The following PSMD9 variants were observed in gnomAD, a reference collection of about 807,000 sequenced individuals.
The protein encoded by PSMD9 is proteasome 26S subunit, non-ATPase 9.
PSMD9 carries 26 observed loss-of-function variants against 25.9 expected under a neutral mutation model. The ratio of observed to expected loss-of-function variants is 1.00; its 90% CI spans 0.73 to 1.39. The LOEUF is 1.39. Among genes scored for constraint, PSMD9 ranks in the 40% most tolerant of loss-of-function variants. The probability of loss-of-function intolerance (pLI) is 0.00; values close to 1 mark genes in which losing one functional copy is unlikely to be tolerated. For missense variants in PSMD9, 303 were observed against 299.3 expected (o/e 1.01, Z -0.09); for synonymous variants, 110 against 114.5 (o/e 0.96, Z 0.25).
At chr12:121,893,445 C>T (rs1009447967) in intron 1 of PSMD9, among the ~76,000 whole-genome samples, 3 of 152,226 alleles carry the variant, frequency 2.0e-5, no homozygotes, top group Non-Finnish European at 2.9e-5. Flanking sequence ...ATGACTTCTG[C>T]GCGTAGTCGT....
intron 4 of PSMD9, among the ~76,000 whole-genome samples, chr12:121,910,117 C>T (rs1047026174): frequency 8.8e-6 from 1 of 113,634 alleles, no homozygotes. Context: ...GATGGAGTCT[C>T]GCTCTATAGC....
intron 3 of PSMD9, among the ~76,000 whole-genome samples, chr12:121,900,709 G>C (rs940934984): frequency 1.3e-5 from 2 of 151,916 alleles, no homozygotes; most frequent in Non-Finnish European, 2.9e-5. Flanking sequence ...TTTGCAGCCA[G>C]GTGCAGTGGC....
chr12:121,902,863 A>C (rs1879440201), intron 3 of PSMD9, 143 bp from the exon 4 acceptor site: 1 of 650,398 alleles, frequency 1.5e-6, no homozygotes, highest in Non-Finnish European at 2.8e-6. Context: ...TGAGGTGTCT[A>C]CATCCCTGAC....
At chr12:121,907,074 T>C (rs1296017541) in intron 4 of PSMD9, among the ~76,000 whole-genome samples, 4 of 152,154 alleles carry the variant, frequency 2.6e-5, no homozygotes, top group Non-Finnish European at 5.9e-5. Flanking sequence ...CTATTTCTTT[T>C]TTTATTTTTT....
rs894165901 is a variant in PSMD9, at chr12:121,917,079, T to C, written c.*768T>C. 1.3e-5 allele frequency: 2 copies of C among 152,316 alleles called. No individual in the cohort carries two copies. Among genetic ancestry groups the C allele is most frequent in the African/African-American group, 2.4e-5 (1 of 41,476 alleles). The allele number at this position is 152,316 out of a possible 1,614,324, so 9.4% of individuals were successfully genotyped here. Reference sequence around the variant, plus strand: ...GTGCAGTGTCGTGATCAAGGTTCACTGAAGCCTTGACGCTGTGGGCACTGC... The same window carrying C: ...GTGCAGTGTCGTGATCAAGGTTCACCGAAGCCTTGACGCTGTGGGCACTGC... On this transcript the variant is annotated 3_prime_UTR_variant, in exon 6 of 6. Coordinates refer to ENST00000541212, the MANE Select transcript of PSMD9 (RefSeq NM_002813.7).
intron 2 of PSMD9, among the ~76,000 whole-genome samples, chr12:121,896,991 G>T (rs1565891124): frequency 6.6e-6 from 1 of 151,712 alleles, no homozygotes; most frequent in Non-Finnish European, 1.5e-5. Flanking sequence ...ACATACATGT[G>T]TATGTAAAAT....
intron 1 of PSMD9, among the ~76,000 whole-genome samples, chr12:121,889,891 A>C (rs751694887): frequency 6.6e-6 from 1 of 152,056 alleles, no homozygotes; most frequent in Non-Finnish European, 1.5e-5. Flanking sequence ...GTGGGATGGA[A>C]TGCATTTTAG....
chr12:121,904,587 C>A (rs1302846692), intron 4 of PSMD9, among the ~76,000 whole-genome samples: 2 of 150,094 alleles, frequency 1.3e-5, no homozygotes, highest in South Asian at 2.1e-4. Flanking sequence ...AAAAGAAATT[C>A]TTTTAATTCT....
At position 121,894,785 on chromosome 12, in the gene PSMD9, AC is replaced by A. The variant is rs1208111740; in HGVS notation, c.190del (p.Arg64GlyfsTer26). On this transcript the variant is annotated frameshift_variant, in exon 2 of 6. Transcript: ENST00000541212. LOFTEE classifies it high-confidence loss of function. ...GAGCCGCTGGTGGACTGTGAGGGCT[AC>A]CCCCGGTCAGACGTGGACCTGTACC... is the stretch of plus-strand genomic sequence containing the variant. Reference protein sequence around the residue: ...MNEPLVDCEGYPRSDVDLYQV... With the variant: ...MNEPLVDCEGXPRSDVDLYQV... The A allele has an allele frequency of 1.2e-6, 2 of 1,613,996 alleles. No homozygotes were observed. Among genetic ancestry groups the A allele is most frequent in the Non-Finnish European group, 1.7e-6 (2 of 1,179,998 alleles).
At chr12:121,909,848 C>T (rs1046973841) in intron 4 of PSMD9, among the ~76,000 whole-genome samples, 4 of 152,160 alleles carry the variant, frequency 2.6e-5, no homozygotes, top group East Asian at 3.9e-4. Context: ...AGTGGTGTAG[C>T]GAGTGTCCTT....
chr12:121,915,514 G>A (rs1374092154), intron 4 of PSMD9: 4 of 232,162 alleles, frequency 1.7e-5, no homozygotes, highest in Non-Finnish European at 2.5e-5. Flanking sequence ...TGTATGTCTC[G>A]CTAATTTTTA....
At position 121,917,302 on chromosome 12, in the gene PSMD9, T is replaced by C. The variant is rs1469503279; in HGVS notation, c.*991T>C. The C allele has an allele frequency of 3.9e-5, 6 of 152,354 alleles. No individual in the cohort carries two copies. Among genetic ancestry groups the C allele is most frequent in the Non-Finnish European group, 7.3e-5 (5 of 68,152 alleles). The allele number at this position is 152,354 out of a possible 1,614,324, so 9.4% of individuals were successfully genotyped here. A position where few individuals can be genotyped will look rare whatever the true frequency, so the allele number is the denominator to read the frequency against. The stretch of plus-strand genomic sequence containing the variant: ...GCGCCCAGCCCACTGCTAGTTTGAC[T>C]TTTTATAATTGAACCTCCTGGCTAT... On this transcript the variant is annotated 3_prime_UTR_variant, in exon 6 of 6. Transcript: ENST00000541212.
At chr12:121,903,750 TTC>T (rs1240746721) in intron 4 of PSMD9, among the ~76,000 whole-genome samples, 1 of 119,256 alleles carries the variant, frequency 8.4e-6, no homozygotes, top group Admixed American at 9.9e-5. Context: ...TAGAGATCTT[TTC>T]TTTTTTTTTT....
chr12:121,915,903 T>TA lies in PSMD9; in HGVS notation c.604dup (p.Arg202LysfsTer30). ...TCCGCAGGGGGGAAAAACACCAGCT[T>TA]AGACTTGTTCCAACACGCTGGGCAG... On this transcript the variant is annotated frameshift_variant, in exon 5 of 6. Coordinates refer to ENST00000541212, the MANE Select transcript of PSMD9 (RefSeq NM_002813.7). LOFTEE classifies it high-confidence loss of function. 6 of 1,614,008 alleles carry TA rather than the reference T, an allele frequency of 3.7e-6. No individual in the cohort carries two copies. Among genetic ancestry groups the TA allele is most frequent in the Non-Finnish European group, 5.1e-6 (6 of 1,179,986 alleles).
intron 4 of PSMD9, among the ~76,000 whole-genome samples, chr12:121,906,866 C>T (rs1158593865): frequency 6.9e-6 from 1 of 145,526 alleles, no homozygotes; most frequent in Non-Finnish European, 1.5e-5. Context: ...CTTGGGAGGC[C>T]GAGGCAGGAG....
chr12:121,913,334 C>T (rs1322798136), intron 4 of PSMD9, among the ~76,000 whole-genome samples: 1 of 152,102 alleles, frequency 6.6e-6, no homozygotes, highest in Non-Finnish European at 1.5e-5. Flanking sequence ...CTGCCTTGGC[C>T]TCCCAAAGTG....
In PSMD9 at chr12:121,917,450, G is replaced by T. The variant is rs1326510674; in HGVS notation, c.*1139G>T. ...TTTGTCTCTTTTAAGATGGTAAAAT[G>T]GTTCTCAGGGATTCCTGCCAATACT... On this transcript the variant is annotated 3_prime_UTR_variant, in exon 6 of 6. Transcript: ENST00000541212. The T allele has an allele frequency of 6.6e-6, 1 of 152,188 alleles. No homozygotes were observed. The highest frequency in any genetic ancestry group is 1.5e-5 in the Non-Finnish European group (1 of 68,044). 9.4% of individuals were successfully genotyped at this position (152,188 alleles called of 1,614,324 possible). A position where few individuals can be genotyped will look rare whatever the true frequency, so the allele number is the denominator to read the frequency against.
chr12:121,908,524 G>T (rs537542866), intron 4 of PSMD9, among the ~76,000 whole-genome samples: 30 of 152,218 alleles, frequency 2.0e-4, no homozygotes, highest in African/African-American at 7.0e-4. Context: ...CTTCCTTAGT[G>T]CCTCTTCCGC....
intron 2 of PSMD9, among the ~76,000 whole-genome samples, 191 bp downstream of exon 2, chr12:121,895,032 TTCTC>T (rs375696363): frequency 1.8e-4 from 27 of 151,296 alleles, no homozygotes; most frequent in African/African-American, 4.4e-4. Flanking sequence ...TGGTTTCATT[TTCTC>T]TCTCTCTCTC....
Sources: gnomAD v4.1 joint callset for allele counts (sites outside exome capture counted in the v4.1 genomes callset) on GRCh38, gnomAD v4.1.1 for gene constraint, MANE v1.5 for transcripts, NCBI Gene and HGNC (gene_info 2026-07-23, HGNC 2026-07-21) for gene names.